The following PHOSPHO1 variants were observed in gnomAD, a reference collection of about 807,000 sequenced individuals.
PHOSPHO1 encodes phosphoethanolamine/phosphocholine phosphatase.
Under a neutral mutation model 17.7 loss-of-function variants are expected in PHOSPHO1, and 6 were observed. The observed-to-expected ratio is 0.34, with a 90% CI of 0.19 to 0.67. PHOSPHO1 has a LOEUF of 0.67. Ranked by LOEUF, PHOSPHO1 falls within the 30% of genes least tolerant of loss-of-function variation. PHOSPHO1 has a pLI of 0.69. For missense variants in PHOSPHO1, 330 were observed against 392.1 expected (o/e 0.84, Z 1.34); for synonymous variants, 159 against 174.6 (o/e 0.91, Z 0.71).
intron 2 of PHOSPHO1, among the ~76,000 whole-genome samples, chr17:49,226,237 TTC>T (rs1223775926): frequency 6.6e-6 from 1 of 152,136 alleles, no homozygotes; most frequent in Non-Finnish European, 1.5e-5. Flanking sequence ...ATGGGATTGT[TTC>T]TCTTTCTGGT....
At chr17:49,225,199 T>C in intron 2 of PHOSPHO1, 195 bp from the exon 3 acceptor site, 1 of 1,426,224 alleles carries the variant, frequency 7.0e-7, no homozygotes, top group Non-Finnish European at 9.1e-7. Context: ...TCCCCAGCCT[T>C]CCCTGACTAC....
At chr17:49,225,096 G>T in intron 2 of PHOSPHO1, 92 bp from the exon 3 acceptor site, 1 of 1,443,600 alleles carries the variant, frequency 6.9e-7, no homozygotes, top group Non-Finnish European at 9.1e-7. Flanking sequence ...AGGCTGGTTA[G>T]CGGGCCACGG....
At chr17:49,230,209 G>A (rs928477857) in intron 1 of PHOSPHO1, among the ~76,000 whole-genome samples, 1 of 152,134 alleles carries the variant, frequency 6.6e-6, no homozygotes, top group African/African-American at 2.4e-5. Context: ...GCTCCAATGC[G>A]GGCGGGGGGT....
rs9889994 is a variant in PHOSPHO1, at chr17:49,223,906, T to A, written c.*340A>T. ...GGCAACAAGTTACAGCGGCGGGAGA[T>A]GTTCCTTCTCTCACCTGCCGGGGGG... On this transcript the variant is annotated 3_prime_UTR_variant, in exon 3 of 3. Transcript: ENST00000310544. 50,233 of 238,438 alleles carry A rather than the reference T, an allele frequency of 0.21. 5,811 individuals are homozygous for A. Among genetic ancestry groups the A allele is most frequent in the South Asian group, 0.27 (1,783 of 6,530 alleles). 14.8% of individuals were successfully genotyped at this position (238,438 alleles called of 1,614,324 possible).
At chr17:49,226,569 C>T in intron 2 of PHOSPHO1, 78 bp downstream of exon 2, 9 of 1,482,900 alleles carry the variant, frequency 6.1e-6, no homozygotes, top group Non-Finnish European at 8.5e-6. Context: ...AGGGCCTCTC[C>T]CAAGGCCCTA....
intron 1 of PHOSPHO1, among the ~76,000 whole-genome samples, chr17:49,228,573 G>A (rs1346110803): frequency 2.6e-5 from 4 of 151,934 alleles, no homozygotes; most frequent in Non-Finnish European, 4.4e-5. Flanking sequence ...GGCGAATCAC[G>A]AGGTCAGAAG....
rs766113114 is a variant in PHOSPHO1 at position 49,226,743 on chromosome 17, C to T, written c.-52G>A. 6 of 1,605,378 alleles carry T rather than the reference C, an allele frequency of 3.7e-6. No individual in the cohort carries two copies. In the African/African-American group the frequency reaches 6.7e-5, roughly 18 times the overall value. Reference sequence around the variant, plus strand: ...CTGTAGGGACTCTGTTGGCCTCCAGCCGTCGTCACACGTTCCTGACAACCA... The same window carrying T: ...CTGTAGGGACTCTGTTGGCCTCCAGTCGTCGTCACACGTTCCTGACAACCA... On this transcript the variant is annotated 5_prime_UTR_variant, in exon 2 of 3. Coordinates refer to ENST00000310544, the MANE Select transcript of PHOSPHO1 (RefSeq NM_178500.4).
rs202152712 is a variant in PHOSPHO1, at chr17:49,224,739, T to G, written c.311A>C (p.Asp104Ala). ...EAIPLSPGMSDLLQFVAKQGA... is the reference protein window; with the variant it reads ...EAIPLSPGMSALLQFVAKQGA... ...CTGTTTTGCCACAAACTGCAGCAGG[T>G]CGCTCATGCCTGGCGACAAAGGGAT... is the stretch of plus-strand genomic sequence containing the variant. Residue 104 changes from aspartate (D) to alanine (A), a missense_variant, in exon 3 of 3, where the codon GAC (aspartate) becomes GCC (alanine). By Grantham distance (126) the Asp-to-Ala change is moderately radical. Transcript: ENST00000310544. 305 of 1,598,854 alleles carry G rather than the reference T, an allele frequency of 1.9e-4. No individual in the cohort carries two copies. The highest frequency in any genetic ancestry group is 2.5e-4 in the Non-Finnish European group (289 of 1,173,228).
rs1453927368 is a variant in PHOSPHO1 at position 49,230,654 on chromosome 17, G to A, written c.-254C>T. On this transcript the variant is annotated 5_prime_UTR_variant, in exon 1 of 3. Transcript: ENST00000310544. ...GCTCACGAGTCCCTCCAGTCCCGAGGGACTGAGGATGATGTGCGTCTGAGC... is the reference window on the plus strand; with the variant it reads ...GCTCACGAGTCCCTCCAGTCCCGAGAGACTGAGGATGATGTGCGTCTGAGC... 6.6e-6 allele frequency: 1 copy of A among 152,448 alleles called. No homozygotes were observed. The allele number at this position is 152,448 out of a possible 1,614,324, so 9.4% of individuals were successfully genotyped here.
At chr17:49,225,423 G>C (rs1293156812) in intron 2 of PHOSPHO1, 10 of 985,254 alleles carry the variant, frequency 1.0e-5, no homozygotes, top group African/African-American at 1.7e-5. Flanking sequence ...GATCAAGAAA[G>C]GGTGGTGGGA....
chr17:49,227,268 C>T (rs1454563841), intron 1 of PHOSPHO1, among the ~76,000 whole-genome samples: 2 of 152,182 alleles, frequency 1.3e-5, no homozygotes, highest in African/African-American at 4.8e-5. Flanking sequence ...CCAAAGCTTA[C>T]TATACCATAG....
chr17:49,227,046 A>G (rs537298044), intron 1 of PHOSPHO1, among the ~76,000 whole-genome samples: 2 of 152,176 alleles, frequency 1.3e-5, no homozygotes, highest in African/African-American at 4.8e-5. Context: ...CTCTAGTATC[A>G]TCATTGTCCC....
At chr17:49,225,814 A>G (rs1298452746) in intron 2 of PHOSPHO1, 1 of 1,217,980 alleles carries the variant, frequency 8.2e-7, no homozygotes, top group Non-Finnish European at 1.0e-6. Flanking sequence ...AGAGAGCAGC[A>G]GTGGCTGAAA....
chr17:49,224,761 G>T lies in PHOSPHO1; in HGVS notation c.289C>A (p.Pro97Thr). 1 of 1,599,628 alleles carries T rather than the reference G, an allele frequency of 6.3e-7. No individual in the cohort carries two copies. The highest frequency in any genetic ancestry group is 8.5e-7 in the Non-Finnish European group (1 of 1,173,438). The change falls in exon 3 of 3, where the codon CCT becomes ACT. Residue 97 changes from proline to threonine, a missense_variant. Pro to Thr is a conservative substitution (Grantham distance 38, BLOSUM62 -1). Coordinates refer to ENST00000310544, the MANE Select transcript of PHOSPHO1 (RefSeq NM_178500.4). ...AGGTCGCTCATGCCTGGCGACAAAG[G>T]GATGGCTTCGTAGATGGCGCTCAGG... The part of the protein sequence containing the change: ...RDLSAIYEAI[P>T]LSPGMSDLLQ...
rs769835574 is a variant in PHOSPHO1 at position 49,225,813 on chromosome 17, C to T, written c.46-809G>A. Reference sequence around the variant, plus strand: ...GGTAAGGGAGAAGAGAAGAGAGCAGCAGTGGCTGAAAAGGCAGAGGAGTGG... The same window carrying T: ...GGTAAGGGAGAAGAGAAGAGAGCAGTAGTGGCTGAAAAGGCAGAGGAGTGG... On this transcript the variant is annotated intron_variant, in intron 2 of 2. Transcript: ENST00000310544. 1,129 of 1,213,884 alleles carry T rather than the reference C, an allele frequency of 9.3e-4. 5 individuals carry two copies. The highest frequency in any genetic ancestry group is 1.1e-3 in the Non-Finnish European group (1,016 of 952,206). The allele number at this position is 1,213,884 out of a possible 1,614,324, so 75.2% of individuals were successfully genotyped here.
intron 2 of PHOSPHO1, chr17:49,225,626 T>C: frequency 1.5e-6 from 2 of 1,292,152 alleles, no homozygotes; most frequent in Non-Finnish European, 2.0e-6. Context: ...TTTAGGGCCC[T>C]GTGCTGACAG....
Position 49,225,004 on chromosome 17 carries a change from C to T in PHOSPHO1, c.46G>A (p.Asp16Asn), listed in dbSNP as rs767833247. 79 of 1,518,786 alleles carry T rather than the reference C, an allele frequency of 5.2e-5. No homozygotes were observed. The highest frequency in any genetic ancestry group is 1.7e-4 in the Middle Eastern group (1 of 5,848). The allele number at this position is 1,518,786 out of a possible 1,614,324, so 94.1% of individuals were successfully genotyped here. ...GCGCCCTGCGCGGCCATCCTGCCGT[C>T]CTGGGAGCAGGGGGGAGAGCAGCAG... ...PVSGLRCLSR[D>N]GRMAAQGAPR... The change falls in exon 3 of 3, where the codon GAC becomes AAC. Residue 16 changes from aspartate to asparagine, a missense_variant and splice_region_variant. Transcript: ENST00000310544.
rs1261997085 is a variant in PHOSPHO1 at position 49,224,484 on chromosome 17, G to A, written c.566C>T (p.Ala189Val). The A allele has an allele frequency of 1.3e-6, 2 of 1,567,992 alleles. No individual in the cohort carries two copies. The highest frequency in any genetic ancestry group is 1.9e-5 in the Admixed American group (1 of 53,948). The change falls in exon 3 of 3, where the codon GCC (alanine) becomes GTC (valine). Residue 189 changes from alanine (A) to valine (V), a missense_variant. Transcript: ENST00000310544. ...GCGCTCGAAGTGCACGCCGTCGTGG[G>A]CCCGCTCGCGCAGGTAGTCGCTGAG... ...KVLSDYLRER[A>V]HDGVHFERLF...
At chr17:49,227,351 G>A (rs1179403802) in intron 1 of PHOSPHO1, among the ~76,000 whole-genome samples, 1 of 152,164 alleles carries the variant, frequency 6.6e-6, no homozygotes, top group Non-Finnish European at 1.5e-5. Flanking sequence ...TCAGGGGTCC[G>A]GCAGTCACAC....
Sources: allele counts gnomAD v4.1 joint callset (sites outside exome capture counted in the v4.1 genomes callset), GRCh38; gene constraint gnomAD v4.1.1; transcripts MANE v1.5; gene names NCBI Gene and HGNC (gene_info 2026-07-23, HGNC 2026-07-21).